Variants in CNR1 observed in about 807,000 individuals in gnomAD.
CNR1 encodes cannabinoid receptor 1 (brain).
A neutral mutation model predicts 23.0 loss-of-function variants in CNR1; 10 were observed. The observed-to-expected ratio is 0.43, with a 90% CI of 0.27 to 0.74. The LOEUF is 0.74. Ranked by LOEUF, CNR1 falls within the 30% of genes least tolerant of loss-of-function variation. The pLI is 0.19. For synonymous variants in CNR1, 271 were observed against 255.2 expected (o/e 1.06, Z -0.59); for missense variants, 422 against 618.8 (o/e 0.68, Z 3.37).
At chr6:88,149,340 T>A (rs1777395385) in intron 1 of CNR1, among the ~76,000 whole-genome samples, 1 of 152,206 alleles carries the variant, frequency 6.6e-6, no homozygotes, top group Non-Finnish European at 1.5e-5. Context: ...TCTGTCTGTC[T>A]GTCATATCTT....
upstream of CNR1, among the ~76,000 whole-genome samples, chr6:88,166,730 C>T (rs780372449): frequency 3.2e-4 from 49 of 152,150 alleles, no homozygotes; most frequent in Non-Finnish European, 6.2e-4. Context: ...ATCACACGCT[C>T]CCGGGCAGCG....
intron 1 of CNR1, among the ~76,000 whole-genome samples, chr6:88,159,073 C>T (rs1163523315): frequency 6.6e-6 from 1 of 152,110 alleles, no homozygotes; most frequent in Non-Finnish European, 1.5e-5. Flanking sequence ...AACTCCACAC[C>T]ATTTTCTCCT....
At chr6:88,159,342 T>C (rs912778031) in intron 1 of CNR1, among the ~76,000 whole-genome samples, 1 of 152,228 alleles carries the variant, frequency 6.6e-6, no homozygotes, top group African/African-American at 2.4e-5. Flanking sequence ...CCAAGTAATA[T>C]GGATCTACTG....
upstream of CNR1, among the ~76,000 whole-genome samples, chr6:88,166,745 T>A (rs1328956621): frequency 1.3e-5 from 2 of 151,930 alleles, no homozygotes; most frequent in African/African-American, 4.8e-5. Context: ...GCAGCGCGCA[T>A]CGCCAACACC....
chr6:88,161,339 G>T (rs1351704483), intron 1 of CNR1, among the ~76,000 whole-genome samples: 1 of 152,142 alleles, frequency 6.6e-6, no homozygotes, highest in Non-Finnish European at 1.5e-5. Context: ...CGGGTTTTGG[G>T]AGTAAACAAT....
intron 1 of CNR1, among the ~76,000 whole-genome samples, chr6:88,158,189 G>A (rs1029368787): frequency 6.6e-6 from 1 of 152,208 alleles, no homozygotes; most frequent in African/African-American, 2.4e-5. Context: ...TGGAAATGTA[G>A]TTGTGATTAA....
chr6:88,160,007 T>C (rs1329307381), intron 1 of CNR1, among the ~76,000 whole-genome samples: 3 of 152,024 alleles, frequency 2.0e-5, no homozygotes, highest in African/African-American at 7.2e-5. Context: ...GATCAACCAT[T>C]ATATTGGTTA....
At chr6:88,146,963 G>A (rs1028036422) in intron 1 of CNR1, among the ~76,000 whole-genome samples, 13 of 152,098 alleles carry the variant, frequency 8.5e-5, no homozygotes, top group African/African-American at 1.2e-4. Flanking sequence ...GTCTAGCTAC[G>A]GTACTAGACA....
intron 1 of CNR1, chr6:88,147,862 G>A (rs1777289979): frequency 1.3e-5 from 2 of 152,462 alleles, no homozygotes; most frequent in South Asian, 4.1e-4. Flanking sequence ...AGGCCCTCCA[G>A]ACATGTATGC....
chr6:88,151,548 A>C (rs806379), intron 1 of CNR1, among the ~76,000 whole-genome samples: 8 of 151,818 alleles, frequency 5.3e-5, no homozygotes, highest in East Asian at 1.9e-4. Flanking sequence ...AATTAGATGA[A>C]ATTAAATGCA....
At position 88,146,092 on chromosome 6, in the gene CNR1, G is replaced by GT. The variant is rs540542817; in HGVS notation, c.-63-756dup. Among the ~76,000 whole-genome samples, 111 of 149,860 alleles carry GT rather than the reference G, an allele frequency of 7.4e-4. No individual in the cohort carries two copies. In the Middle Eastern group the frequency reaches 0.014, roughly 19 times the overall value. ...GCAATGAGGCGTATAGGAAGACAGA[G>GT]TTTTTTTTTTCTTTCTTTCTTTCTT... On this transcript the variant is annotated intron_variant, in intron 1 of 1. Transcript: ENST00000369501.
intron 1 of CNR1, chr6:88,147,578 T>A (rs1316921725): frequency 6.6e-6 from 1 of 152,198 alleles, no homozygotes; most frequent in African/African-American, 2.4e-5. Flanking sequence ...TTAAGAAAAG[T>A]AATTTGGAAC....
At chr6:88,165,044 ATTTCT>A (rs1000703054) in intron 1 of CNR1, among the ~76,000 whole-genome samples, 184 of 152,358 alleles carry the variant, frequency 1.2e-3, no homozygotes, top group African/African-American at 4.2e-3. Context: ...GTTACTAAAC[ATTTCT>A]TTTGTTTTTT....
intron 1 of CNR1, among the ~76,000 whole-genome samples, chr6:88,160,144 A>G (rs1391936576): frequency 1.3e-5 from 2 of 152,168 alleles, no homozygotes; most frequent in East Asian, 1.9e-4. Flanking sequence ...CGTGGCCAAC[A>G]TGGTGAAACC....
upstream of CNR1, among the ~76,000 whole-genome samples, chr6:88,167,320 G>A (rs975585321): frequency 6.6e-6 from 1 of 152,200 alleles, no homozygotes; most frequent in Admixed American, 6.5e-5. Context: ...GGACATGCTC[G>A]TTAATTGTTT....
At chr6:88,155,721 G>A (rs1777756490) in intron 1 of CNR1, among the ~76,000 whole-genome samples, 1 of 152,206 alleles carries the variant, frequency 6.6e-6, no homozygotes, top group South Asian at 2.1e-4. Context: ...CAGCAACAAA[G>A]TATGCCAATT....
intron 1 of CNR1, among the ~76,000 whole-genome samples, chr6:88,151,428 T>C (rs1160603731): frequency 2.0e-5 from 3 of 152,136 alleles, no homozygotes; most frequent in Non-Finnish European, 2.9e-5. Flanking sequence ...CAGACCAAGA[T>C]TGGTGTTAGA....
At chr6:88,158,187 T>A (rs961182213) in intron 1 of CNR1, among the ~76,000 whole-genome samples, 2 of 152,146 alleles carry the variant, frequency 1.3e-5, no homozygotes, top group African/African-American at 4.8e-5. Context: ...TCTGGAAATG[T>A]AGTTGTGATT....
chr6:88,155,442 A>G lies in CNR1; in HGVS notation c.-63-10105T>C, dbSNP rs146978745. The stretch of plus-strand genomic sequence containing the variant: ...CTATTCCACACACTCAGAGAGAAAA[A>G]TCCTTTACCCAAGGTCTCTAACTAG... On this transcript the variant is annotated intron_variant, in intron 1 of 1. Transcript: ENST00000369501. Among the ~76,000 whole-genome samples, 117 of 152,290 alleles carry G rather than the reference A, an allele frequency of 7.7e-4. 1 individual carries two copies. In the East Asian group the frequency reaches 0.021, roughly 28 times the overall value.
Sources: allele counts gnomAD v4.1 joint callset (sites outside exome capture counted in the v4.1 genomes callset), GRCh38; gene constraint gnomAD v4.1.1; transcripts MANE v1.5; gene names NCBI Gene and HGNC (gene_info 2026-07-23, HGNC 2026-07-21).